The following CHRDL2 variants were observed in gnomAD, a reference collection of about 807,000 sequenced individuals.
CHRDL2 encodes the protein chordin-like protein 2.
A neutral mutation model predicts 54.3 loss-of-function variants in CHRDL2; 41 were observed. That is an observed-to-expected ratio of 0.76 (90% CI 0.59 to 0.98). The LOEUF (loss-of-function observed/expected upper bound fraction) is 0.98. CHRDL2 is among the 50% of genes least tolerant of loss of function. The pLI, the probability that CHRDL2 is intolerant of heterozygous loss-of-function variation, is 0.00. For missense variants in CHRDL2, 518 were observed against 562.4 expected (o/e 0.92, Z 0.80); for synonymous variants, 220 against 224.3 (o/e 0.98, Z 0.17).
chr11:74,710,075 G>T (rs2034135797), intron 4 of CHRDL2, among the ~76,000 whole-genome samples: 2 of 152,086 alleles, frequency 1.3e-5, no homozygotes, highest in South Asian at 4.1e-4. Flanking sequence ...AATTAGCTGG[G>T]CGTGGTGGTG....
intron 6 of CHRDL2, 83 bp downstream of exon 6, chr11:74,706,402 GTA>G: frequency 7.7e-7 from 1 of 1,305,578 alleles, no homozygotes; most frequent in Non-Finnish European, 1.1e-6. Context: ...ACAATAACTG[GTA>G]TTGCCTGCCC....
chr11:74,697,575 T>C (rs1246960699), intron 9 of CHRDL2: 1 of 518,584 alleles, frequency 1.9e-6, no homozygotes. Flanking sequence ...ATCCTAGCTC[T>C]GGTCATTAGA....
At chr11:74,717,531 TG>T (rs1401916806) in intron 2 of CHRDL2, among the ~76,000 whole-genome samples, 2 of 152,132 alleles carry the variant, frequency 1.3e-5, no homozygotes, top group East Asian at 3.9e-4. Context: ...GTGGGGGTTG[TG>T]TCCCCATTTC....
At chr11:74,703,090 C>A in intron 8 of CHRDL2, 123 bp from the exon 9 acceptor site, 2 of 1,101,222 alleles carry the variant, frequency 1.8e-6, no homozygotes, top group Non-Finnish European at 2.6e-6. Flanking sequence ...ATGTTAACAA[C>A]CTCTGAATCT....
intron 6 of CHRDL2, 39 bp downstream of exon 6, chr11:74,706,448 C>T (rs1197577802): frequency 6.2e-7 from 1 of 1,604,592 alleles, no homozygotes; most frequent in Non-Finnish European, 8.5e-7. Context: ...GGATCCCAGC[C>T]CCCTGTCCCG....
At chr11:74,725,645 G>A (rs182838706) in intron 1 of CHRDL2, among the ~76,000 whole-genome samples, 20 of 152,298 alleles carry the variant, frequency 1.3e-4, no homozygotes, top group African/African-American at 3.9e-4. Flanking sequence ...GGGTTAGTGC[G>A]GTTGAGAATT....
At chr11:74,719,327 C>G (rs1409666229) in intron 1 of CHRDL2, 1 of 157,900 alleles carries the variant, frequency 6.3e-6, no homozygotes, top group Admixed American at 6.5e-5. Context: ...TAGTACATCA[C>G]CTCACCCTTC....
At chr11:74,703,588 G>C in intron 7 of CHRDL2, 89 bp from the exon 8 acceptor site, 1 of 1,206,370 alleles carries the variant, frequency 8.3e-7, no homozygotes, top group Non-Finnish European at 1.1e-6. Flanking sequence ...TGGGCCCTTG[G>C]GGAGCCCTCA....
At chr11:74,716,743 C>G (rs1445293877) in intron 2 of CHRDL2, among the ~76,000 whole-genome samples, 8 of 151,304 alleles carry the variant, frequency 5.3e-5, no homozygotes, top group Non-Finnish European at 8.8e-5. Context: ...ATGAGTTCAT[C>G]ATCTGTTACT....
At chr11:74,697,042 A>ATC (rs1207607340) in intron 10 of CHRDL2, among the ~76,000 whole-genome samples, 163 bp downstream of exon 10, 4 of 152,276 alleles carry the variant, frequency 2.6e-5, no homozygotes, top group African/African-American at 9.6e-5. Flanking sequence ...GAGTTAGGAA[A>ATC]TCTCTGGCGC....
intron 1 of CHRDL2, 57 bp downstream of exon 1, chr11:74,730,750 C>A: frequency 6.7e-7 from 1 of 1,497,102 alleles, no homozygotes; most frequent in Non-Finnish European, 9.1e-7. Context: ...GGCGCTGTCC[C>A]TCACATTCCA....
chr11:74,705,723 G>T (rs141987594), intron 6 of CHRDL2, among the ~76,000 whole-genome samples: 222 of 152,256 alleles, frequency 1.5e-3, no homozygotes, highest in African/African-American at 5.0e-3. Context: ...AATGGCTTAG[G>T]TCCTGTGGTA....
chr11:74,719,796 A>T (rs1292663152), intron 1 of CHRDL2, among the ~76,000 whole-genome samples: 3 of 151,994 alleles, frequency 2.0e-5, no homozygotes, highest in Admixed American at 6.6e-5. Flanking sequence ...GCATTCCTGA[A>T]ACCTCTGCCT....
chr11:74,696,491 G>A lies in CHRDL2; in HGVS notation c.*18C>T. 1 of 1,591,612 alleles carries A rather than the reference G, an allele frequency of 6.3e-7. No individual in the cohort carries two copies. The highest frequency in any genetic ancestry group is 8.6e-7 in the Non-Finnish European group (1 of 1,159,556). On this transcript the variant is annotated 3_prime_UTR_variant, in exon 11 of 11. Coordinates refer to ENST00000376332, the MANE Select transcript of CHRDL2 (RefSeq NM_001278473.3). ...AACAACAATTATACAGCTCATATCT[G>A]CAACTGTTAGGTCTTTGTTATGTCT... is the stretch of plus-strand genomic sequence containing the variant.
intron 3 of CHRDL2, among the ~76,000 whole-genome samples, chr11:74,711,602 C>A (rs1337128237): frequency 6.6e-6 from 1 of 152,184 alleles, no homozygotes; most frequent in Non-Finnish European, 1.5e-5. Context: ...CTTGACTAAG[C>A]ACTCCTCTGT....
In CHRDL2 at chr11:74,731,305, G is replaced by A. The variant is rs112639765; in HGVS notation, c.-417C>T. 46,461 of 148,312 alleles carry A rather than the reference G, an allele frequency of 0.31. 8,281 individuals carry two copies. Among genetic ancestry groups the A allele is most frequent in the East Asian group, 0.54 (2,716 of 5,004 alleles). The allele number at this position is 148,312 out of a possible 1,614,324, so 9.2% of individuals were successfully genotyped here. On this transcript the variant is annotated 5_prime_UTR_variant, in exon 1 of 11. Transcript: ENST00000376332. This position sits in a 1 kb window ranked among gnomAD's most constrained non-coding sequence, Gnocchi z 4.4. The stretch of plus-strand genomic sequence containing the variant: ...GGGCTAGAGGCGGCCGGCGCCCCCT[G>A]CTCGGTGGGCTCGGGGTCGGGCCGC...
chr11:74,711,618 G>A (rs531918308), intron 3 of CHRDL2, among the ~76,000 whole-genome samples: 153 of 152,180 alleles, frequency 1.0e-3, no homozygotes, highest in African/African-American at 3.5e-3. Context: ...TCTGTTCTAC[G>A]CACCATGCTA....
rs544464800 is a variant in CHRDL2 at position 74,710,621 on chromosome 11, G to A, written c.432+228C>T. On this transcript the variant is annotated intron_variant, in intron 4 of 10. Transcript: ENST00000376332. ...GTTTCCTCCCCTCAAGGAATGCAGC[G>A]TCTACTGGGGGAAACAGAAGGCTCA... is the stretch of plus-strand genomic sequence containing the variant. Among the ~76,000 whole-genome samples, 376 of 143,898 alleles carry A rather than the reference G, an allele frequency of 2.6e-3. 2 individuals are homozygous for A. The highest frequency in any genetic ancestry group is 8.2e-3 in the African/African-American group (274 of 33,554). The allele number at this position is 143,898 out of a possible 152,430, so 94.4% of individuals were successfully genotyped here.
At position 74,704,645 on chromosome 11, in the gene CHRDL2, G is replaced by A; in HGVS notation, c.592C>T (p.Gln198Ter). The stretch of plus-strand genomic sequence containing the variant: ...CCAGCATCACTGGAACATGGATCCT[G>A]AGGATGTCTCTGCAAATGGCAGGAA... ...VQSLHGVRHPQDPCSSDAGRK... is the reference protein window; with the variant it reads ...VQSLHGVRHP The change falls in exon 7 of 11, where the codon CAG becomes TAG. Residue 198 changes from glutamine to a stop codon, truncating the protein, a stop_gained. Transcript: ENST00000376332. LOFTEE classifies it high-confidence loss of function. The A allele has an allele frequency of 1.2e-6, 2 of 1,606,804 alleles. No individual in the cohort carries two copies. The highest frequency in any genetic ancestry group is 1.7e-6 in the Non-Finnish European group (2 of 1,176,944).
Sources: allele counts gnomAD v4.1 joint callset (sites outside exome capture counted in the v4.1 genomes callset), GRCh38; gene constraint gnomAD v4.1.1; non-coding constraint Gnocchi (gnomAD v3.1); transcripts MANE v1.5; gene names NCBI Gene and HGNC (gene_info 2026-07-23, HGNC 2026-07-21).